Variants in ARHGAP42 observed in about 807,000 individuals in gnomAD.
ARHGAP42 encodes the protein rho GTPase-activating protein 42.
A neutral mutation model predicts 125.0 loss-of-function variants in ARHGAP42; 63 were observed. The observed-to-expected ratio is 0.50, with a 90% CI of 0.41 to 0.62. The LOEUF (loss-of-function observed/expected upper bound fraction) is 0.62. Among genes scored for constraint, ARHGAP42 ranks in the 20% least tolerant of loss-of-function variants. The probability of loss-of-function intolerance (pLI) is 0.00; values close to 1 mark genes in which losing one functional copy is unlikely to be tolerated. For synonymous variants in ARHGAP42, 339 were observed against 351.0 expected (o/e 0.97, Z 0.38); for missense variants, 766 against 1,024.2 (o/e 0.75, Z 3.44).
intron 4 of ARHGAP42, among the ~76,000 whole-genome samples, chr11:100,878,946 A>G (rs544882080): frequency 1.3e-5 from 2 of 150,182 alleles, no homozygotes; most frequent in African/African-American, 4.9e-5. Context: ...AAACTCTTCT[A>G]GAGATTAGCT....
At chr11:100,781,930 G>A (rs1863323664) in intron 2 of ARHGAP42, among the ~76,000 whole-genome samples, 1 of 127,792 alleles carries the variant, frequency 7.8e-6, no homozygotes, top group Non-Finnish European at 1.7e-5. Context: ...GCACCACCAC[G>A]AGATTTTTTT....
intron 2 of ARHGAP42, among the ~76,000 whole-genome samples, chr11:100,775,501 C>T (rs1863097905): frequency 1.3e-5 from 2 of 152,164 alleles, no homozygotes; most frequent in Admixed American, 1.3e-4. Context: ...GATAACGTTC[C>T]AACATGAGTT....
At chr11:100,918,991 C>T (rs1867159665) in intron 5 of ARHGAP42, among the ~76,000 whole-genome samples, 1 of 152,118 alleles carries the variant, frequency 6.6e-6, no homozygotes, top group Non-Finnish European at 1.5e-5. Context: ...ACTCACAGGA[C>T]TCAGCATATA....
intron 1 of ARHGAP42, among the ~76,000 whole-genome samples, chr11:100,737,795 A>G (rs1047051374): frequency 6.6e-6 from 1 of 152,246 alleles, no homozygotes; most frequent in African/African-American, 2.4e-5. Flanking sequence ...GTAAATGCTA[A>G]CAGATTTATA....
At chr11:100,864,208 G>A (rs1291037006) in intron 4 of ARHGAP42, among the ~76,000 whole-genome samples, 2 of 147,666 alleles carry the variant, frequency 1.4e-5, no homozygotes, top group African/African-American at 2.5e-5. Context: ...TTTTTGAGAC[G>A]GAGTCTCACT....
intron 3 of ARHGAP42, among the ~76,000 whole-genome samples, chr11:100,811,281 G>C (rs1864136393): frequency 6.6e-6 from 1 of 152,138 alleles, no homozygotes; most frequent in Non-Finnish European, 1.5e-5. Flanking sequence ...AATGTTAGTA[G>C]TTCCATATTT....
At chr11:100,886,415 C>G (rs1866094780) in intron 4 of ARHGAP42, among the ~76,000 whole-genome samples, 1 of 152,170 alleles carries the variant, frequency 6.6e-6, no homozygotes, top group East Asian at 1.9e-4. Flanking sequence ...ACTAAATGAC[C>G]TCCTCTTAGT....
intron 12 of ARHGAP42, among the ~76,000 whole-genome samples, chr11:100,955,895 C>A (rs565758668): frequency 6.6e-6 from 1 of 152,150 alleles, no homozygotes; most frequent in East Asian, 1.9e-4. Context: ...TATAGTAACC[C>A]CTACTTGGCT....
chr11:100,965,176 C>T (rs950983107), intron 16 of ARHGAP42, among the ~76,000 whole-genome samples: 4 of 152,082 alleles, frequency 2.6e-5, no homozygotes, highest in South Asian at 2.1e-4. Context: ...GATTCCATTA[C>T]CTCACCTCCC....
intron 1 of ARHGAP42, among the ~76,000 whole-genome samples, chr11:100,719,336 A>G (rs570086623): frequency 1.3e-5 from 2 of 152,324 alleles, no homozygotes; most frequent in East Asian, 3.9e-4. Flanking sequence ...TAACAGGAGG[A>G]TGTATCTACT....
At chr11:100,695,369 T>G (rs2120179456) in intron 1 of ARHGAP42, among the ~76,000 whole-genome samples, 1 of 152,308 alleles carries the variant, frequency 6.6e-6, no homozygotes, top group African/African-American at 2.4e-5. Context: ...AATCGCACGA[T>G]CTCAGCTCAC....
chr11:100,981,080 T>G (rs1036728465), intron 22 of ARHGAP42, among the ~76,000 whole-genome samples: 1 of 152,194 alleles, frequency 6.6e-6, no homozygotes, highest in African/African-American at 2.4e-5. Context: ...TTCAAATTTT[T>G]AGGTCACCAC....
intron 5 of ARHGAP42, among the ~76,000 whole-genome samples, chr11:100,917,027 G>C (rs923401054): frequency 5.3e-4 from 69 of 129,740 alleles, no homozygotes; most frequent in East Asian, 1.5e-3. Flanking sequence ...GTGTGTGTGT[G>C]TGTGTGTGTG....
chr11:100,854,790 C>G (rs778000639), intron 3 of ARHGAP42, among the ~76,000 whole-genome samples: 3 of 152,030 alleles, frequency 2.0e-5, no homozygotes, highest in Non-Finnish European at 4.4e-5. Context: ...TTCTAAGAAG[C>G]TATTGAGGAA....
intron 2 of ARHGAP42, among the ~76,000 whole-genome samples, chr11:100,778,606 C>T (rs540253914): frequency 3.3e-5 from 5 of 151,732 alleles, no homozygotes; most frequent in Non-Finnish European, 7.4e-5. Context: ...CACACAGAAA[C>T]CACCCACAAT....
chr11:100,826,971 T>C (rs1336926286), intron 3 of ARHGAP42, among the ~76,000 whole-genome samples: 1 of 151,934 alleles, frequency 6.6e-6, no homozygotes, highest in African/African-American at 2.4e-5. Context: ...AGAAGGGTTT[T>C]TTGGGTGAAT....
At chr11:100,869,701 T>C (rs932094713) in intron 4 of ARHGAP42, among the ~76,000 whole-genome samples, 1 of 152,172 alleles carries the variant, frequency 6.6e-6, no homozygotes. Flanking sequence ...TCAATACATG[T>C]ATATCACTAT....
chr11:100,734,843 T>C, intron 1 of ARHGAP42, among the ~76,000 whole-genome samples: 1 of 152,120 alleles, frequency 6.6e-6, no homozygotes, highest in East Asian at 1.9e-4. Flanking sequence ...TTTCTGAGAG[T>C]GGGACACACA....
At chr11:100,868,717 A>G (rs981935765) in intron 4 of ARHGAP42, among the ~76,000 whole-genome samples, 3 of 152,156 alleles carry the variant, frequency 2.0e-5, no homozygotes, top group Admixed American at 2.0e-4. Flanking sequence ...CAAGTTCTAT[A>G]TTGTTATCTT....
Sources: allele counts gnomAD v4.1 joint callset (sites outside exome capture counted in the v4.1 genomes callset), GRCh38; gene constraint gnomAD v4.1.1; transcripts MANE v1.5; gene names NCBI Gene and HGNC (gene_info 2026-07-23, HGNC 2026-07-21).